LARGE1: variants seen among roughly 807,000 people sequenced by gnomAD.
The protein encoded by LARGE1 is LARGE xylosyl- and glucuronyltransferase 1.
In LARGE1, 43 loss-of-function variants were observed where a neutral mutation model predicts 87.6. The ratio of observed to expected loss-of-function variants is 0.49; its 90% CI spans 0.38 to 0.63. LARGE1 has a LOEUF of 0.63. Among genes scored for constraint, LARGE1 ranks in the 30% least tolerant of loss-of-function variants. The pLI is 0.00. For synonymous variants in LARGE1, 434 were observed against 394.6 expected, an observed-to-expected ratio of 1.10 and a Z score of -1.18; for missense variants, 802 against 1,000.2, an observed-to-expected ratio of 0.80 and a Z score of 2.67.
At chr22:33,092,390 C>T in the LARGE1 span, among the ~76,000 whole-genome samples, 9 of 152,022 alleles carry the variant, frequency 5.9e-5, no homozygotes, top group Admixed American at 6.6e-5. Context: ...AAGTGATCTG[C>T]CTATGTCCTG....
intron 11 of LARGE1, among the ~76,000 whole-genome samples, chr22:33,311,669 T>C (rs989968811): frequency 1.3e-5 from 2 of 152,338 alleles, no homozygotes; most frequent in South Asian, 4.1e-4. Context: ...ACAAGTGTAC[T>C]TTGAATCCAA....
chr22:33,433,320 G>A (rs1451396163), intron 6 of LARGE1, among the ~76,000 whole-genome samples: 1 of 152,132 alleles, frequency 6.6e-6, no homozygotes, highest in Non-Finnish European at 1.5e-5. Context: ...TTGAGGGCTG[G>A]GTGCGGTGGC....
chr22:33,277,014 C>T, intron 14 of LARGE1, 46 bp downstream of exon 14: 2 of 1,570,218 alleles, frequency 1.3e-6, no homozygotes, highest in Non-Finnish European at 1.8e-6. Flanking sequence ...AGGATCTAGG[C>T]CTCTCCCCCG....
chr22:33,732,608 G>A (rs1321351328), intron 2 of LARGE1: 1 of 152,258 alleles, frequency 6.6e-6, no homozygotes, highest in Admixed American at 6.5e-5. Flanking sequence ...GCTGAGCATA[G>A]TACCAGACAC....
At chr22:33,915,012 A>ACAC (rs2065742183) in intron 1 of LARGE1, among the ~76,000 whole-genome samples, 1 of 139,134 alleles carries the variant, frequency 7.2e-6, no homozygotes, top group Non-Finnish European at 1.6e-5. Context: ...TACAAACACA[A>ACAC]ACACACACAC....
chr22:33,455,510 T>G (rs535939252), intron 6 of LARGE1, among the ~76,000 whole-genome samples: 104 of 152,228 alleles, frequency 6.8e-4, no homozygotes, highest in Non-Finnish European at 1.1e-3. Context: ...CCCAGCACTT[T>G]GGGAGGCCGA....
At chr22:33,211,039 C>T (rs1602097987) in intron 11 of LARGE1, among the ~76,000 whole-genome samples, 1 of 152,212 alleles carries the variant, frequency 6.6e-6, no homozygotes, top group Admixed American at 6.5e-5. Flanking sequence ...TCCAACAGCA[C>T]GTGCTCACTT....
chr22:33,252,452 A>G (rs1485316301), intron 11 of LARGE1, among the ~76,000 whole-genome samples: 2 of 152,094 alleles, frequency 1.3e-5, no homozygotes, highest in Admixed American at 6.5e-5. Flanking sequence ...CTGAGATGTA[A>G]TTATTCTGGT....
Position 33,776,976 on chromosome 22 carries a change from G to A in LARGE1, c.-82-15418C>T, listed in dbSNP as rs562487918. ...TCAGCACATGGGCCCCTGCTCTTGA[G>A]GGGCCTCAAGAGAGTGTACAGGATA... is the stretch of plus-strand genomic sequence containing the variant. On this transcript the variant is annotated intron_variant, in intron 1 of 14. Coordinates refer to ENST00000397394, the MANE Select transcript of LARGE1 (RefSeq NM_133642.5). 1.6e-3 allele frequency among the ~76,000 whole-genome samples: 238 copies of A among 152,256 alleles called. 2 individuals carry two copies. The highest frequency in any genetic ancestry group is 0.01 in the Middle Eastern group (3 of 294).
In LARGE1 at chr22:33,695,707, G is replaced by T. The variant is rs541351086; in HGVS notation, c.107-45039C>A. On this transcript the variant is annotated intron_variant, in intron 2 of 14. Coordinates refer to ENST00000397394, the MANE Select transcript of LARGE1 (RefSeq NM_133642.5). Reference sequence around the variant, plus strand: ...TTTTAATATGTATATCATTAACCAGGATTCAATAATGTTTATGGGTTTTTT... The same window carrying T: ...TTTTAATATGTATATCATTAACCAGTATTCAATAATGTTTATGGGTTTTTT... Among the ~76,000 whole-genome samples the T allele has an allele frequency of 2.0e-5, 3 of 152,196 alleles. No homozygotes were observed. In the South Asian group the frequency reaches 6.2e-4, roughly 32 times the overall value.
At chr22:33,503,014 G>A (rs2148383459) in intron 6 of LARGE1, among the ~76,000 whole-genome samples, 1 of 152,324 alleles carries the variant, frequency 6.6e-6, no homozygotes, top group South Asian at 2.1e-4. Flanking sequence ...CACTGAGGTG[G>A]TGAGTTCAGG....
At chr22:33,673,348 A>G (rs1434618395) in intron 2 of LARGE1, among the ~76,000 whole-genome samples, 1 of 152,110 alleles carries the variant, frequency 6.6e-6, no homozygotes. Context: ...CCCTTGAAGC[A>G]GTACTCTTCC....
At chr22:33,480,172 G>T (rs2069255707) in intron 6 of LARGE1, among the ~76,000 whole-genome samples, 1 of 152,308 alleles carries the variant, frequency 6.6e-6, no homozygotes, top group African/African-American at 2.4e-5. Flanking sequence ...TGACAACCGA[G>T]GCGCAAGGAA....
chr22:33,183,184 A>G (rs1923265523), intron 11 of LARGE1, among the ~76,000 whole-genome samples: 1 of 152,070 alleles, frequency 6.6e-6, no homozygotes, highest in African/African-American at 2.4e-5. Context: ...CTGAACAGAC[A>G]TTTTTTCAAA....
intron 1 of LARGE1, among the ~76,000 whole-genome samples, chr22:33,898,511 T>G (rs1465619507): frequency 2.6e-5 from 4 of 152,214 alleles, no homozygotes; most frequent in African/African-American, 9.6e-5. Context: ...TCCCAGCACT[T>G]TGGGAGGCCG....
At chr22:33,895,477 G>A (rs2283959) in intron 1 of LARGE1, among the ~76,000 whole-genome samples, 58,791 of 152,070 alleles carry the variant, frequency 0.39, 13,459 homozygotes, top group East Asian at 0.83. Context: ...TGTGTCTATG[G>A]TTCATGAATC....
intron 6 of LARGE1, among the ~76,000 whole-genome samples, chr22:33,432,950 G>C (rs1427906158): frequency 6.6e-6 from 1 of 152,194 alleles, no homozygotes; most frequent in African/African-American, 2.4e-5. Flanking sequence ...CCCCAGAGCT[G>C]GCGTTGATGT....
At chr22:33,767,763 C>A (rs2084950197) in intron 1 of LARGE1, among the ~76,000 whole-genome samples, 2 of 152,126 alleles carry the variant, frequency 1.3e-5, no homozygotes, top group African/African-American at 4.8e-5. Flanking sequence ...AAAATATATA[C>A]ACACACATAC....
chr22:33,210,607 A>T (rs368103771), intron 11 of LARGE1, among the ~76,000 whole-genome samples: 11 of 152,350 alleles, frequency 7.2e-5, no homozygotes, highest in African/African-American at 2.2e-4. Context: ...CCTGCCCTTA[A>T]GTCACCGGCA....
Sources: allele counts gnomAD v4.1 joint callset (sites outside exome capture counted in the v4.1 genomes callset), GRCh38; gene constraint gnomAD v4.1.1; transcripts MANE v1.5; gene names NCBI Gene and HGNC (gene_info 2026-07-23, HGNC 2026-07-21).